The following GATAD1 variants were observed in gnomAD, a reference collection of about 807,000 sequenced individuals.
GATAD1 encodes the protein GATA zinc finger domain containing 1, also known as GATA zinc finger domain-containing protein 1.
Under a neutral mutation model 26.5 loss-of-function variants are expected in GATAD1, and 12 were observed. That is an observed-to-expected ratio of 0.45 (90% CI 0.29 to 0.73). The LOEUF (loss-of-function observed/expected upper bound fraction) is 0.73, where lower values mean the gene tolerates loss of function less well. Among genes scored for constraint, GATAD1 ranks in the 30% least tolerant of loss-of-function variants. GATAD1 has a pLI of 0.10. For synonymous variants in GATAD1, 129 were observed against 133.1 expected, an observed-to-expected ratio of 0.97 and a Z score of 0.21; for missense variants, 266 against 342.1, an observed-to-expected ratio of 0.78 and a Z score of 1.75.
chr7:92,490,152 T>C, the GATAD1 span: 1 of 524,192 alleles, frequency 1.9e-6, no homozygotes, highest in Non-Finnish European at 3.4e-6. Flanking sequence ...GGTAGGTTTT[T>C]TTAACTTTGT....
At chr7:92,482,721 A>G in the GATAD1 span, among the ~76,000 whole-genome samples, 1 of 152,114 alleles carries the variant, frequency 6.6e-6, no homozygotes. Context: ...GCCCAGGAAT[A>G]GTCGGGGAAG....
the GATAD1 span, among the ~76,000 whole-genome samples, chr7:92,480,686 A>G: frequency 1.3e-5 from 2 of 152,162 alleles, no homozygotes; most frequent in Non-Finnish European, 2.9e-5. Flanking sequence ...GTAGGTGGGA[A>G]TGACTGATGG....
rs185478319 is a variant in GATAD1, at chr7:92,459,678, T to A, written c.*3116T>A. ...TTCCCATGCCTTTTTGGAATCAATC[T>A]CTATCCTATTGTCATCACATTTAAG... On this transcript the variant is annotated 3_prime_UTR_variant, in exon 5 of 5. Coordinates refer to ENST00000287957, the MANE Select transcript of GATAD1 (RefSeq NM_021167.5). Among the ~76,000 whole-genome samples, 38 of 152,348 alleles carry A rather than the reference T, an allele frequency of 2.5e-4. No homozygotes were observed. Among genetic ancestry groups the A allele is most frequent in the Non-Finnish European group, 4.1e-4 (28 of 68,030 alleles).
chr7:92,466,609 A>G, the GATAD1 span, among the ~76,000 whole-genome samples: 3 of 152,244 alleles, frequency 2.0e-5, no homozygotes, highest in Non-Finnish European at 2.9e-5. Context: ...AATGTGATGC[A>G]CATCACAGGC....
intron 2 of GATAD1, 65 bp from the exon 3 acceptor site, chr7:92,450,636 G>A: frequency 2.0e-6 from 2 of 1,020,120 alleles, no homozygotes; most frequent in Non-Finnish European, 3.1e-6. Flanking sequence ...CTCTCATAGG[G>A]CTGGGAAAAT....
the GATAD1 span, among the ~76,000 whole-genome samples, chr7:92,467,872 G>A: frequency 1.3e-5 from 2 of 152,236 alleles, no homozygotes; most frequent in Admixed American, 6.5e-5. Flanking sequence ...AGGACATCCA[G>A]GGCAGGCATT....
the GATAD1 span, chr7:92,487,097 A>G: frequency 6.2e-6 from 1 of 160,262 alleles, no homozygotes; most frequent in Non-Finnish European, 1.4e-5. Flanking sequence ...CAAATGCTAC[A>G]AAGGTGATGA....
At chr7:92,482,881 A>G in the GATAD1 span, among the ~76,000 whole-genome samples, 5 of 152,166 alleles carry the variant, frequency 3.3e-5, no homozygotes, top group Non-Finnish European at 5.9e-5. Context: ...AATACCCACA[A>G]CAGTTATGGG....
Position 92,456,427 on chromosome 7 carries a change from A to C in GATAD1, c.675A>C (p.Ala225=). 1 of 1,613,232 alleles carries C rather than the reference A, an allele frequency of 6.2e-7. No homozygotes were observed. The highest frequency in any genetic ancestry group is 8.5e-7 in the Non-Finnish European group (1 of 1,179,246). The change falls in exon 5 of 5, where the codon GCA becomes GCC. Residue 225 remains alanine (A), a synonymous_variant. Transcript: ENST00000287957. ...KMEYLEFVCH[A]PSEYFKSRSS... is the part of the protein sequence containing the mutation. ...AATACTTGGAATTTGTTTGTCATGC[A>C]CCTTCTGAGTATTTCAAGTCACGGT...
chr7:92,466,005 A>AAAAAAAG, the GATAD1 span, among the ~76,000 whole-genome samples: 1 of 152,272 alleles, frequency 6.6e-6, no homozygotes, highest in African/African-American at 2.4e-5. Context: ...CTCGGTCTCA[A>AAAAAAAG]AAAAAAGAAA....
At chr7:92,456,325 A>G (rs758429794) in intron 4 of GATAD1, 47 bp from the exon 5 acceptor site, 5 of 1,272,402 alleles carry the variant, frequency 3.9e-6, no homozygotes, top group Non-Finnish European at 5.6e-6. Context: ...TGAAAATGAT[A>G]TATATGGTCA....
At chr7:92,489,173 TGAA>T in the GATAD1 span, 6 of 942,264 alleles carry the variant, frequency 6.4e-6, no homozygotes, top group Admixed American at 4.2e-5. Flanking sequence ...ACATATTTTT[TGAA>T]TTAGCTTTTA....
chr7:92,488,954 G>A, the GATAD1 span, among the ~76,000 whole-genome samples: 21 of 152,194 alleles, frequency 1.4e-4, no homozygotes, highest in East Asian at 5.8e-4. Flanking sequence ...GGCTTGCCTC[G>A]AACTCCTGAC....
downstream of GATAD1, among the ~76,000 whole-genome samples, chr7:92,461,020 A>G (rs555242259): frequency 1.3e-5 from 2 of 152,188 alleles, no homozygotes; most frequent in Non-Finnish European, 2.9e-5. Flanking sequence ...AGAATATTTT[A>G]TAAATAGTAG....
the GATAD1 span, chr7:92,490,114 CCAT>C: frequency 3.4e-6 from 2 of 590,522 alleles, no homozygotes; most frequent in Non-Finnish European, 6.0e-6. Flanking sequence ...TATAGAACCA[CCAT>C]CAAGTGAAAA....
At chr7:92,449,471 C>G in intron 2 of GATAD1, 2 of 973,536 alleles carry the variant, frequency 2.1e-6, no homozygotes, top group Non-Finnish European at 2.4e-6. Context: ...ATTAAATTCT[C>G]AGTTTTTATA....
chr7:92,468,083 G>A, the GATAD1 span, among the ~76,000 whole-genome samples: 3 of 152,184 alleles, frequency 2.0e-5, no homozygotes, highest in Admixed American at 2.0e-4. Flanking sequence ...TGGGCCATGC[G>A]GTGAGTGTTA....
At chr7:92,468,055 A>T in the GATAD1 span, among the ~76,000 whole-genome samples, 36 of 152,104 alleles carry the variant, frequency 2.4e-4, no homozygotes, top group Non-Finnish European at 5.0e-4. Flanking sequence ...GGCCTTATGG[A>T]TTCAAGGAAT....
the GATAD1 span, among the ~76,000 whole-genome samples, chr7:92,495,740 CA>C: frequency 6.6e-6 from 1 of 151,912 alleles, no homozygotes; most frequent in East Asian, 1.9e-4. Context: ...ACTCGGTGTT[CA>C]AAAAATAAAT....
Sources: allele counts gnomAD v4.1 joint callset (sites outside exome capture counted in the v4.1 genomes callset), GRCh38; gene constraint gnomAD v4.1.1; transcripts MANE v1.5; gene names NCBI Gene and HGNC (gene_info 2026-07-23, HGNC 2026-07-21).